RAPGEF4: variants seen among roughly 807,000 people sequenced by gnomAD.
RAPGEF4 encodes RAP guanine-nucleotide-exchange factor (GEF) 4.
Under a neutral mutation model 147.9 loss-of-function variants are expected in RAPGEF4, and 66 were observed. The observed-to-expected ratio is 0.45, with a 90% CI of 0.37 to 0.55. The LOEUF (loss-of-function observed/expected upper bound fraction) is 0.55, where lower values mean the gene tolerates loss of function less well. Among genes scored for constraint, RAPGEF4 ranks in the 20% least tolerant of loss-of-function variants. The pLI is 0.00. For synonymous variants in RAPGEF4, 419 were observed against 442.7 expected (o/e 0.95, Z 0.67); for missense variants, 1,071 against 1,257.3 (o/e 0.85, Z 2.24).
At chr2:172,763,800 A>G (rs1696570754) in intron 1 of RAPGEF4, among the ~76,000 whole-genome samples, 1 of 152,180 alleles carries the variant, frequency 6.6e-6, no homozygotes, top group Non-Finnish European at 1.5e-5. Context: ...TGAAAATATT[A>G]TCTAGTTTGT....
chr2:172,786,592 T>G (rs1685229533), intron 1 of RAPGEF4, among the ~76,000 whole-genome samples: 2 of 152,190 alleles, frequency 1.3e-5, no homozygotes, highest in South Asian at 4.1e-4. Context: ...TTAACACTTA[T>G]TTATAGGCCA....
intron 29 of RAPGEF4, among the ~76,000 whole-genome samples, chr2:173,040,146 C>T (rs1017754025): frequency 7.3e-5 from 11 of 151,560 alleles, no homozygotes; most frequent in African/African-American, 2.7e-4. Context: ...CGAGATCACA[C>T]CACTGCACTC....
At chr2:172,845,227 A>G (rs1692049330) in intron 4 of RAPGEF4, among the ~76,000 whole-genome samples, 1 of 152,192 alleles carries the variant, frequency 6.6e-6, no homozygotes, top group Admixed American at 6.5e-5. Context: ...TCATGGACCT[A>G]TAGTATTTCT....
At chr2:172,753,875 TAC>T (rs58877556) in intron 1 of RAPGEF4, among the ~76,000 whole-genome samples, 4,157 of 146,460 alleles carry the variant, frequency 0.028, 191 homozygotes, top group African/African-American at 0.096. Context: ...ACAGTGTATG[TAC>T]ACACACACAC....
intron 10 of RAPGEF4, among the ~76,000 whole-genome samples, chr2:172,978,186 T>A (rs1372684051): frequency 6.8e-6 from 1 of 147,010 alleles, no homozygotes; most frequent in South Asian, 2.2e-4. Context: ...TCTGTGCAGA[T>A]GTAGTGGTCA....
At chr2:172,999,231 T>C (rs528591652) in intron 16 of RAPGEF4, among the ~76,000 whole-genome samples, 2 of 152,378 alleles carry the variant, frequency 1.3e-5, no homozygotes, top group South Asian at 4.1e-4. Context: ...CTTCATTTCC[T>C]GCAGTTTTTC....
chr2:172,917,173 G>A (rs1214447722), intron 4 of RAPGEF4, among the ~76,000 whole-genome samples: 3 of 152,194 alleles, frequency 2.0e-5, no homozygotes, highest in Admixed American at 6.5e-5. Context: ...TTTAGAGCAA[G>A]CTTGGACCAA....
chr2:173,022,095 C>T (rs1368695537), intron 23 of RAPGEF4, among the ~76,000 whole-genome samples: 2 of 152,142 alleles, frequency 1.3e-5, no homozygotes, highest in Non-Finnish European at 2.9e-5. Flanking sequence ...GAAAGGAAAG[C>T]CATAAAAAGC....
chr2:172,935,254 C>T (rs1266910215), intron 6 of RAPGEF4, among the ~76,000 whole-genome samples: 1 of 152,168 alleles, frequency 6.6e-6, no homozygotes, highest in African/African-American at 2.4e-5. Flanking sequence ...AGGGCTCTAC[C>T]TCTTATTGCT....
At chr2:172,907,497 C>G (rs959014922) in intron 4 of RAPGEF4, among the ~76,000 whole-genome samples, 2 of 152,228 alleles carry the variant, frequency 1.3e-5, no homozygotes, top group African/African-American at 4.8e-5. Flanking sequence ...TGGGCTTTCT[C>G]TCTTGTGCTC....
In RAPGEF4 at chr2:172,777,580, A is replaced by AC. The variant is rs555095677; in HGVS notation, c.66-17437dup. ...CATGTGCAGCTAATAACTTAAGAAG[A>AC]CCCCCCCCATGCTAAACTTTAGATC... On this transcript the variant is annotated intron_variant, in intron 1 of 30. Transcript: ENST00000397081. Among the ~76,000 whole-genome samples the AC allele has an allele frequency of 3.9e-3, 588 of 150,338 alleles. 4 individuals carry two copies. Among genetic ancestry groups the AC allele is most frequent in the African/African-American group, 0.012 (471 of 40,818 alleles).
In RAPGEF4 at chr2:172,909,875, A is replaced by G. The variant is rs538941724; in HGVS notation, c.445-7927A>G. 6.6e-5 allele frequency among the ~76,000 whole-genome samples: 10 copies of G among 152,286 alleles called. No individual in the cohort carries two copies. The Middle Eastern group carries it at 0.01, about 155-fold the overall frequency. On this transcript the variant is annotated intron_variant, in intron 4 of 30. Transcript: ENST00000397081. Reference sequence around the variant, plus strand: ...CAGCTAAACACCAATAAGGCCTACTAGAAGACTGCCCAGTGTCTAACTCCC... The same window carrying G: ...CAGCTAAACACCAATAAGGCCTACTGGAAGACTGCCCAGTGTCTAACTCCC...
intron 4 of RAPGEF4, among the ~76,000 whole-genome samples, chr2:172,850,425 G>A (rs1391999028): frequency 6.6e-6 from 1 of 152,014 alleles, no homozygotes; most frequent in Non-Finnish European, 1.5e-5. Flanking sequence ...AGACCACCCT[G>A]GCTAACACGG....
chr2:172,969,948 G>A (rs931384797), intron 10 of RAPGEF4, among the ~76,000 whole-genome samples: 2 of 152,140 alleles, frequency 1.3e-5, no homozygotes, highest in Non-Finnish European at 2.9e-5. Context: ...AGTTGTTAAA[G>A]TACAGGTTTT....
intron 4 of RAPGEF4, among the ~76,000 whole-genome samples, chr2:172,817,310 G>T (rs1046219722): frequency 2.6e-5 from 4 of 152,148 alleles, no homozygotes; most frequent in East Asian, 1.9e-4. Flanking sequence ...TTAGGTGCAT[G>T]ATTTGAATGT....
intron 6 of RAPGEF4, 124 bp from the exon 7 acceptor site, chr2:172,960,636 T>C (rs1233593460): frequency 1.4e-6 from 1 of 700,140 alleles, no homozygotes; most frequent in Admixed American, 3.5e-5. Context: ...ATTTATCTCT[T>C]ATTTTTTTAA....
chr2:173,027,294 T>G, intron 25 of RAPGEF4, 35 bp downstream of exon 25: 1 of 1,482,630 alleles, frequency 6.7e-7, no homozygotes, highest in Non-Finnish European at 9.0e-7. Context: ...GAAAAAAAAA[T>G]GTTGAGCTGT....
chr2:172,895,924 A>G (rs976920027), intron 4 of RAPGEF4, among the ~76,000 whole-genome samples: 1 of 152,344 alleles, frequency 6.6e-6, no homozygotes, highest in African/African-American at 2.4e-5. Flanking sequence ...GATTCCTTAC[A>G]TTCCCATTGC....
chr2:172,900,458 C>T (rs1271036705), intron 4 of RAPGEF4, among the ~76,000 whole-genome samples: 3 of 152,108 alleles, frequency 2.0e-5, no homozygotes, highest in Admixed American at 6.6e-5. Context: ...AGGTGGGTCT[C>T]GAACTCCTGG....
Sources: gnomAD v4.1 joint callset for allele counts (sites outside exome capture counted in the v4.1 genomes callset) on GRCh38, gnomAD v4.1.1 for gene constraint, MANE v1.5 for transcripts, NCBI Gene and HGNC (gene_info 2026-07-23, HGNC 2026-07-21) for gene names.